TBC1D5: variants seen among roughly 807,000 people sequenced by gnomAD.
The protein encoded by TBC1D5 is TBC1 domain family, member 5.
A neutral mutation model predicts 100.3 loss-of-function variants in TBC1D5; 75 were observed. The observed-to-expected ratio is 0.75, with a 90% CI of 0.62 to 0.91. The LOEUF (loss-of-function observed/expected upper bound fraction) is 0.91. TBC1D5 is among the 40% of genes least tolerant of loss of function. The pLI is 0.00. For missense variants in TBC1D5, 910 were observed against 942.4 expected (o/e 0.97, Z 0.45); for synonymous variants, 323 against 325.6 (o/e 0.99, Z 0.09).
chr3:17,439,446 T>G (rs891729499), intron 3 of TBC1D5, among the ~76,000 whole-genome samples: 2 of 152,186 alleles, frequency 1.3e-5, no homozygotes, highest in African/African-American at 4.8e-5. Flanking sequence ...AGTGAAGGCA[T>G]ATATTCTCAA....
intron 14 of TBC1D5, among the ~76,000 whole-genome samples, chr3:17,303,597 C>G (rs1246585669): frequency 6.6e-6 from 1 of 152,180 alleles, no homozygotes; most frequent in Non-Finnish European, 1.5e-5. Context: ...TCCAACCATA[C>G]CAAGCAGATC....
chr3:17,601,231 C>G (rs1443096619), intron 2 of TBC1D5, among the ~76,000 whole-genome samples: 1 of 152,208 alleles, frequency 6.6e-6, no homozygotes, highest in Non-Finnish European at 1.5e-5. Flanking sequence ...CCAATATGGG[C>G]CGGGTGCAGT....
chr3:17,456,164 A>T (rs1444999003), intron 3 of TBC1D5, among the ~76,000 whole-genome samples: 1 of 152,120 alleles, frequency 6.6e-6, no homozygotes, highest in Non-Finnish European at 1.5e-5. Context: ...ATGATTAAAG[A>T]CTTAAATCTA....
chr3:17,286,349 T>C (rs939354505), intron 15 of TBC1D5, among the ~76,000 whole-genome samples: 1 of 152,236 alleles, frequency 6.6e-6, no homozygotes, highest in Non-Finnish European at 1.5e-5. Flanking sequence ...GAACACAATA[T>C]GCTCACATTT....
intron 1 of TBC1D5, among the ~76,000 whole-genome samples, chr3:17,714,959 A>G (rs2075093158): frequency 6.6e-6 from 1 of 152,198 alleles, no homozygotes; most frequent in South Asian, 2.1e-4. Flanking sequence ...TAGAAATCCC[A>G]CTAGAGTTTA....
intron 1 of TBC1D5, among the ~76,000 whole-genome samples, chr3:17,671,586 C>T (rs552331070): frequency 6.6e-6 from 1 of 152,304 alleles, no homozygotes; most frequent in Non-Finnish European, 1.5e-5. Flanking sequence ...AAGGCATCTT[C>T]TTTAAGGCAT....
At chr3:17,177,609 T>A (rs2067927399) in intron 19 of TBC1D5, among the ~76,000 whole-genome samples, 1 of 152,212 alleles carries the variant, frequency 6.6e-6, no homozygotes, top group Admixed American at 6.5e-5. Flanking sequence ...GTTCTCTTAC[T>A]CCTTACTGCT....
intron 18 of TBC1D5, among the ~76,000 whole-genome samples, chr3:17,187,065 TC>T (rs2069215527): frequency 6.6e-6 from 1 of 152,160 alleles, no homozygotes; most frequent in Non-Finnish European, 1.5e-5. Flanking sequence ...TGAATTTCCC[TC>T]GTTATCACAG....
chr3:17,273,292 C>T (rs1483798407), intron 15 of TBC1D5, among the ~76,000 whole-genome samples: 2 of 152,030 alleles, frequency 1.3e-5, no homozygotes, highest in East Asian at 1.9e-4. Flanking sequence ...TCTTTGATAC[C>T]ATTTCCTATG....
intron 21 of TBC1D5, among the ~76,000 whole-genome samples, chr3:17,161,588 GGCAGAATCCCTACCA>G (rs1055776893): frequency 2.6e-5 from 4 of 152,374 alleles, no homozygotes; most frequent in Non-Finnish European, 5.9e-5. Flanking sequence ...ATAGGTTGCA[GGCAGAATCCCTACCA>G]GCGTCATGTG....
At chr3:17,638,662 G>T (rs999967332) in intron 1 of TBC1D5, among the ~76,000 whole-genome samples, 1 of 151,978 alleles carries the variant, frequency 6.6e-6, no homozygotes, top group Non-Finnish European at 1.5e-5. Flanking sequence ...ACACAATAAT[G>T]CAACTCTACA....
At chr3:17,389,770 G>A (rs1230582831) in intron 8 of TBC1D5, among the ~76,000 whole-genome samples, 1 of 152,126 alleles carries the variant, frequency 6.6e-6, no homozygotes. Flanking sequence ...TTTCAATGCA[G>A]TGGTAAGTTG....
intron 19 of TBC1D5, among the ~76,000 whole-genome samples, chr3:17,180,357 C>A (rs2596682): frequency 0.51 from 77,209 of 151,984 alleles, 20,740 homozygotes; most frequent in African/African-American, 0.69. Flanking sequence ...GGCCATTTGA[C>A]CAAATGTCAT....
intron 1 of TBC1D5, among the ~76,000 whole-genome samples, chr3:17,667,846 C>T (rs1229576110): frequency 1.3e-5 from 2 of 151,764 alleles, no homozygotes; most frequent in East Asian, 1.9e-4. Context: ...TGGAAGAACC[C>T]TCTAACAACT....
intron 9 of TBC1D5, among the ~76,000 whole-genome samples, chr3:17,379,458 T>C (rs370787606): frequency 2.9e-4 from 44 of 152,234 alleles, no homozygotes; most frequent in African/African-American, 9.6e-4. Context: ...TAGTTTCTGT[T>C]ACACCACTCT....
At chr3:17,315,484 A>T (rs1443374476) in intron 13 of TBC1D5, among the ~76,000 whole-genome samples, 1 of 152,216 alleles carries the variant, frequency 6.6e-6, no homozygotes, top group Non-Finnish European at 1.5e-5. Context: ...GTTACCAGTG[A>T]ACCATTCTAC....
intron 2 of TBC1D5, among the ~76,000 whole-genome samples, chr3:17,618,585 T>G (rs931821562): frequency 6.6e-6 from 1 of 152,246 alleles, no homozygotes; most frequent in Non-Finnish European, 1.5e-5. Flanking sequence ...CTGCTTTGTT[T>G]TCCTACTTAA....
At chr3:17,520,332 G>A (rs774575299) in intron 2 of TBC1D5, among the ~76,000 whole-genome samples, 1 of 152,090 alleles carries the variant, frequency 6.6e-6, no homozygotes, top group Non-Finnish European at 1.5e-5. Context: ...GCTAATTATA[G>A]TAAGAGCTGG....
chr3:17,668,259 C>A (rs868674149), intron 1 of TBC1D5, among the ~76,000 whole-genome samples: 1 of 150,558 alleles, frequency 6.6e-6, no homozygotes, highest in South Asian at 2.1e-4. Flanking sequence ...AATAAAAGCA[C>A]TAGAGGAATG....
Sources: allele counts gnomAD v4.1 joint callset (sites outside exome capture counted in the v4.1 genomes callset), GRCh38; gene constraint gnomAD v4.1.1; transcripts MANE v1.5; gene names NCBI Gene and HGNC (gene_info 2026-07-23, HGNC 2026-07-21).